ABHD18: variants seen among roughly 807,000 people sequenced by gnomAD.
ABHD18 encodes the protein cardiolipin-specific deacylase, mitochondrial.
ABHD18 carries 55 observed loss-of-function variants against 65.9 expected under a neutral mutation model. That is an observed-to-expected ratio of 0.84 (90% CI 0.67 to 1.05). The LOEUF (loss-of-function observed/expected upper bound fraction) is 1.05, where lower values mean the gene tolerates loss of function less well. Among genes scored for constraint, ABHD18 ranks in the 50% least tolerant of loss-of-function variants. The pLI, the probability that ABHD18 is intolerant of heterozygous loss-of-function variation, is 0.00. For synonymous variants in ABHD18, 181 were observed against 180.2 expected (o/e 1.00, Z -0.04); for missense variants, 533 against 558.5 (o/e 0.95, Z 0.46).
At chr4:128,012,401 G>T (rs568363485) in intron 7 of ABHD18, among the ~76,000 whole-genome samples, 1 of 152,174 alleles carries the variant, frequency 6.6e-6, no homozygotes, top group South Asian at 2.1e-4. Flanking sequence ...AAACTCCAAG[G>T]CATTTCCATA....
In ABHD18 at chr4:128,009,168, C is replaced by T. The variant is rs1392543667; in HGVS notation, c.419C>T (p.Ser140Phe). The T allele has an allele frequency of 6.6e-7, 1 of 1,515,784 alleles. No individual in the cohort carries two copies. The highest frequency in any genetic ancestry group is 8.7e-7 in the Non-Finnish European group (1 of 1,145,006). 93.9% of individuals were successfully genotyped at this position (1,515,784 alleles called of 1,614,324 possible). A position where few individuals can be genotyped will look rare whatever the true frequency, so the allele number is the denominator to read the frequency against. Residue 140 changes from serine (S) to phenylalanine (F), a missense_variant, in exon 6 of 13, where the codon TCT becomes TTT. Ser to Phe is a radical substitution (Grantham distance 155). Transcript: ENST00000645843. ...RPMIKEARMA[S>F]LLLENPYYGC... ...ATGATTAAAGAAGCCCGAATGGCTT[C>T]TTTATTGTTAGAAAACCCTTATTAT...
Position 127,984,399 on chromosome 4 carries a change from C to A in ABHD18, c.153C>A (p.Ser51Arg), listed in dbSNP as rs201269910. The A allele has an allele frequency of 6.5e-7, 1 of 1,548,438 alleles. No homozygotes were observed. Among genetic ancestry groups the A allele is most frequent in the Admixed American group, 2.0e-5 (1 of 51,026 alleles). ...NRERCQNLVS[S>R]DYPVHIDKIE... is the part of the protein sequence containing the mutation. Reference sequence around the variant, plus strand: ...AAAGATGCCAGAATCTGGTTTCAAGCGATTATCCAGTACACATTGATAAGG... The same window carrying A: ...AAAGATGCCAGAATCTGGTTTCAAGAGATTATCCAGTACACATTGATAAGG... Residue 51 changes from serine (S) to arginine (R), a missense_variant, in exon 3 of 13, where the codon AGC becomes AGA. Physicochemically the swap from Ser to Arg is moderately radical, Grantham distance 110. Transcript: ENST00000645843.
At chr4:127,973,817 C>CAAAAAAA (rs57170719) in intron 1 of ABHD18, among the ~76,000 whole-genome samples, 9 of 16,602 alleles carry the variant, frequency 5.4e-4, no homozygotes, top group Non-Finnish European at 9.7e-4. Flanking sequence ...TGATGAACAG[C>CAAAAAAA]AAAAAAAAAA....
intron 3 of ABHD18, 139 bp downstream of exon 3, chr4:127,984,562 G>A: frequency 4.0e-6 from 2 of 503,174 alleles, no homozygotes; most frequent in Non-Finnish European, 7.0e-6. Context: ...CATATTTAAA[G>A]AATACTATTT....
intron 2 of ABHD18, 30 bp from the exon 3 acceptor site, chr4:127,984,309 T>C (rs1254383605): frequency 7.1e-7 from 1 of 1,399,128 alleles, no homozygotes; most frequent in East Asian, 2.5e-5. Context: ...AAGATTAATT[T>C]TTTCCTTTTT....
At position 128,030,607 on chromosome 4, in the gene ABHD18, T is replaced by C. The variant is rs1758069470; in HGVS notation, c.1278T>C (p.Gly426=). 1.1e-5 allele frequency: 18 copies of C among 1,607,750 alleles called. No individual in the cohort carries two copies. The highest frequency in any genetic ancestry group is 1.4e-5 in the Non-Finnish European group (17 of 1,178,948). Residue 426 remains glycine, a synonymous_variant, in exon 12 of 13, where the codon GGT becomes GGC. Transcript: ENST00000645843. Reference sequence around the variant, plus strand: ...GAAGTTTACAAGAAATTTGGCCTGGTTGTGAAATCCGATACTTAGAAGGGG... The same window carrying C: ...GAAGTTTACAAGAAATTTGGCCTGGCTGTGAAATCCGATACTTAGAAGGGG... The part of the protein sequence containing the change: ...GVRSLQEIWP[G]CEIRYLEGGH...
At chr4:128,018,244 A>T (rs569121602) in intron 8 of ABHD18, among the ~76,000 whole-genome samples, 28 of 152,278 alleles carry the variant, frequency 1.8e-4, no homozygotes, top group South Asian at 6.2e-4. Flanking sequence ...AGCATTTGAG[A>T]TATTGAGGGC....
chr4:128,011,674 T>C lies in ABHD18; in HGVS notation c.444T>C (p.Tyr148=). 1 of 1,551,078 alleles carries C rather than the reference T, an allele frequency of 6.4e-7. No homozygotes were observed. The highest frequency in any genetic ancestry group is 2.4e-5 in the East Asian group (1 of 41,602). The change falls in exon 7 of 13, where the codon TAT becomes TAC. Residue 148 remains tyrosine (Y), a splice_region_variant and synonymous_variant. Transcript: ENST00000645843. The part of the protein sequence containing the change: ...MASLLLENPY[Y]GCRKPKDQVR... ...TTTCTCTTTGACCCACATTCTTAAA[T>C]GGCTGCAGGAAACCCAAGGACCAAG...
intron 1 of ABHD18, among the ~76,000 whole-genome samples, chr4:127,978,544 T>C (rs139697623): frequency 7.7e-4 from 117 of 152,332 alleles, no homozygotes; most frequent in African/African-American, 2.5e-3. Context: ...GGTATAAATC[T>C]GATAAAGACT....
intron 8 of ABHD18, 40 bp downstream of exon 8, chr4:128,017,541 T>C (rs780468569): frequency 1.4e-5 from 22 of 1,536,392 alleles, no homozygotes; most frequent in Non-Finnish European, 8.8e-7. Context: ...ATTATGTTTA[T>C]GTTTGTAAGA....
At chr4:127,980,160 G>A (rs911185550) in intron 1 of ABHD18, among the ~76,000 whole-genome samples, 1 of 152,138 alleles carries the variant, frequency 6.6e-6, no homozygotes, top group Non-Finnish European at 1.5e-5. Context: ...TAGGTTATGA[G>A]GGCTTTATCC....
rs1757722704 is a variant in ABHD18 at position 128,028,584 on chromosome 4, A to G, written c.911A>G (p.Asn304Ser). The G allele has an allele frequency of 2.5e-6, 4 of 1,613,708 alleles. No homozygotes were observed. Among genetic ancestry groups the G allele is most frequent in the Admixed American group, 1.7e-5 (1 of 59,956 alleles). ...VSRTLNLDIS[N>S]QVVSQKPADC... ...AGAACTTTAAATTTAGATATATCAA[A>G]CCAAGTTGTATCCCAAAAACCTGCT... The change falls in exon 11 of 13, where the codon AAC (asparagine) becomes AGC (serine). Residue 304 changes from asparagine (N) to serine (S), a missense_variant. By Grantham distance (46) the Asn-to-Ser change is conservative. Coordinates refer to ENST00000645843, the MANE Select transcript of ABHD18 (RefSeq NM_001358451.3).
At chr4:127,970,694 G>A (rs533300978) in intron 1 of ABHD18, among the ~76,000 whole-genome samples, 1 of 152,056 alleles carries the variant, frequency 6.6e-6, no homozygotes, top group East Asian at 1.9e-4. Flanking sequence ...GTAATCTCAG[G>A]ACTTTGAGAG....
At chr4:128,009,940 A>C (rs373344618) in intron 6 of ABHD18, among the ~76,000 whole-genome samples, 1 of 152,238 alleles carries the variant, frequency 6.6e-6, no homozygotes, top group Non-Finnish European at 1.5e-5. Flanking sequence ...ATAGTTATGT[A>C]AACTGTGATT....
At chr4:127,984,452 G>C (rs1473525534) in intron 3 of ABHD18, 29 bp downstream of exon 3, 3 of 1,336,642 alleles carry the variant, frequency 2.2e-6, no homozygotes, top group Non-Finnish European at 3.1e-6. Context: ...CACAGTTATA[G>C]GAATTGTGGT....
chr4:127,968,501 G>A (rs1433959604), intron 1 of ABHD18, among the ~76,000 whole-genome samples: 6 of 152,062 alleles, frequency 3.9e-5, no homozygotes, highest in Non-Finnish European at 8.8e-5. Flanking sequence ...CCAATGTAAG[G>A]ATAAAAGTCC....
intron 12 of ABHD18, chr4:128,031,183 G>T (rs776126989): frequency 1.0e-6 from 1 of 979,078 alleles, no homozygotes; most frequent in Non-Finnish European, 1.2e-6. Flanking sequence ...GGCTGGGCGC[G>T]GTGGCTTACG....
Position 128,039,500 on chromosome 4 carries a change from A to G in ABHD18, c.*3687A>G, listed in dbSNP as rs1021666741. 1 of 152,044 alleles carries G rather than the reference A, an allele frequency of 6.6e-6. No individual in the cohort carries two copies. The highest frequency in any genetic ancestry group is 2.4e-5 in the African/African-American group (1 of 41,396). 9.4% of individuals were successfully genotyped at this position (152,044 alleles called of 1,614,324 possible). Reference sequence around the variant, plus strand: ...TTGAGACCCCTGATTTAGATCTGTAATTAGAAAAAGGTTCTGAATTTCATG... The same window carrying G: ...TTGAGACCCCTGATTTAGATCTGTAGTTAGAAAAAGGTTCTGAATTTCATG... On this transcript the variant is annotated 3_prime_UTR_variant, in exon 13 of 13. Transcript: ENST00000645843.
Position 127,968,879 on chromosome 4 carries a change from C to T in ABHD18, c.-18+3273C>T, listed in dbSNP as rs146354058. 4.1e-4 allele frequency among the ~76,000 whole-genome samples: 62 copies of T among 152,180 alleles called. 1 individual carries two copies. The East Asian group carries it at 0.012, about 29-fold the overall frequency. ...CCCTGGGCTTGGATTTTTATCTGTT[C>T]ATGGTGGCACTAGATACCCTGGACC... On this transcript the variant is annotated intron_variant, in intron 1 of 12. Coordinates refer to ENST00000645843, the MANE Select transcript of ABHD18 (RefSeq NM_001358451.3).
Sources: allele counts gnomAD v4.1 joint callset (sites outside exome capture counted in the v4.1 genomes callset), GRCh38; gene constraint gnomAD v4.1.1; transcripts MANE v1.5; gene names NCBI Gene and HGNC (gene_info 2026-07-23, HGNC 2026-07-21).